AOPEP: variants seen among roughly 807,000 people sequenced by gnomAD.
AOPEP encodes aminopeptidase O (putative), also known as aminopeptidase O.
In AOPEP, 77 loss-of-function variants were observed where a neutral mutation model predicts 98.1. The observed-to-expected ratio is 0.78, with a 90% CI of 0.65 to 0.95. The LOEUF (loss-of-function observed/expected upper bound fraction) is 0.95. Ranked by LOEUF, AOPEP falls within the 40% of genes least tolerant of loss-of-function variation. The probability of loss-of-function intolerance (pLI) is 0.00; values close to 1 mark genes in which losing one functional copy is unlikely to be tolerated. For missense variants in AOPEP, 1,024 were observed against 1,024.7 expected (o/e 1.00, Z 0.01); for synonymous variants, 346 against 365.3 (o/e 0.95, Z 0.60).
chr9:94,830,921 G>C (rs1472643412), intron 5 of AOPEP, among the ~76,000 whole-genome samples: 1 of 151,972 alleles, frequency 6.6e-6, no homozygotes. Flanking sequence ...TTGTAAATTT[G>C]TTTAAGTTCC....
At chr9:95,137,698 G>C in the AOPEP span, among the ~76,000 whole-genome samples, 3 of 152,208 alleles carry the variant, frequency 2.0e-5, no homozygotes, top group Admixed American at 2.0e-4. Flanking sequence ...CTCCGGGAGA[G>C]GAATTGGCTG....
At chr9:94,815,219 A>G (rs1209851394) in intron 5 of AOPEP, among the ~76,000 whole-genome samples, 1 of 152,132 alleles carries the variant, frequency 6.6e-6, no homozygotes, top group Non-Finnish European at 1.5e-5. Flanking sequence ...GGTGGCTAGG[A>G]AGTCCCATCC....
At chr9:95,031,492 A>G (rs771768036) in intron 13 of AOPEP, among the ~76,000 whole-genome samples, 1 of 152,158 alleles carries the variant, frequency 6.6e-6, no homozygotes, top group Admixed American at 6.5e-5. Flanking sequence ...GCATTTTTTA[A>G]TAGAAACTGA....
chr9:94,941,676 T>A (rs1564419865), intron 7 of AOPEP, among the ~76,000 whole-genome samples: 1 of 152,222 alleles, frequency 6.6e-6, no homozygotes, highest in Non-Finnish European at 1.5e-5. Flanking sequence ...TGAACTCAAA[T>A]AACCTTCCCT....
chr9:95,146,724 C>A, the AOPEP span, among the ~76,000 whole-genome samples: 1 of 151,830 alleles, frequency 6.6e-6, no homozygotes, highest in Non-Finnish European at 1.5e-5. Context: ...TCAAACACTG[C>A]AGACAGAGCC....
chr9:94,869,390 C>T (rs1319410317), intron 5 of AOPEP, among the ~76,000 whole-genome samples: 2 of 152,150 alleles, frequency 1.3e-5, no homozygotes, highest in Non-Finnish European at 2.9e-5. Context: ...AGTGAATGCC[C>T]TATTTCTAGC....
intron 9 of AOPEP, among the ~76,000 whole-genome samples, chr9:94,961,815 C>G (rs2138164890): frequency 6.6e-6 from 1 of 152,056 alleles, no homozygotes; most frequent in Non-Finnish European, 1.5e-5. Context: ...TGTTATGCTG[C>G]TTTCTTTCTA....
At chr9:94,874,146 A>C (rs1197808446) in intron 5 of AOPEP, among the ~76,000 whole-genome samples, 2 of 152,202 alleles carry the variant, frequency 1.3e-5, no homozygotes, top group Non-Finnish European at 1.5e-5. Context: ...GAGTCATTAG[A>C]TATGATTATA....
rs764017866 is a variant in AOPEP at position 95,060,730 on chromosome 9, C to T, written c.2152C>T (p.Leu718Phe). The T allele has an allele frequency of 6.2e-7, 1 of 1,614,094 alleles. No individual in the cohort carries two copies. Among genetic ancestry groups the T allele is most frequent in the Non-Finnish European group, 8.5e-7 (1 of 1,179,972 alleles). The change falls in exon 14 of 17, where the codon CTC (leucine) becomes TTC (phenylalanine). Residue 718 changes from leucine to phenylalanine, a missense_variant. Coordinates refer to ENST00000375315, the MANE Select transcript of AOPEP (RefSeq NM_001193329.3). ...PDQLVLLLEH[L>F]LEQKTLSPRT... is the part of the protein sequence containing the mutation. ...CCAGCTGGTCTTGCTTCTGGAGCAT[C>T]TCTTGGAGCAGAAGACTCTGAGCCC... is the stretch of plus-strand genomic sequence containing the variant.
At chr9:94,996,052 G>A (rs977865526) in intron 11 of AOPEP, among the ~76,000 whole-genome samples, 4 of 152,156 alleles carry the variant, frequency 2.6e-5, no homozygotes, top group African/African-American at 9.7e-5. Context: ...CACAGGGAGG[G>A]GAGGACAGGT....
intron 11 of AOPEP, among the ~76,000 whole-genome samples, chr9:94,992,637 A>T (rs937553315): frequency 2.0e-5 from 3 of 152,224 alleles, no homozygotes; most frequent in African/African-American, 7.2e-5. Context: ...CTTTGGAGTC[A>T]GCTCTACCAC....
At chr9:94,845,767 G>A (rs1289617252) in intron 5 of AOPEP, among the ~76,000 whole-genome samples, 1 of 152,062 alleles carries the variant, frequency 6.6e-6, no homozygotes, top group Non-Finnish European at 1.5e-5. Context: ...GAAGAATAAG[G>A]TTGTAGGAGA....
chr9:94,773,244 C>T lies in AOPEP; in HGVS notation c.964+76C>T, dbSNP rs1841291400. 7 of 1,335,850 alleles carry T rather than the reference C, an allele frequency of 5.2e-6. No individual in the cohort carries two copies. The South Asian group carries it at 6.2e-5, about 12-fold the overall frequency. 82.7% of individuals were successfully genotyped at this position (1,335,850 alleles called of 1,614,324 possible). ...CAGGAACCCAATAAACAGTATTTTT[C>T]TAAACTTTAAAGAGCTCCTTTATTA... is the stretch of plus-strand genomic sequence containing the variant. On this transcript the variant is annotated intron_variant, in intron 3 of 16. Coordinates refer to ENST00000375315, the MANE Select transcript of AOPEP (RefSeq NM_001193329.3).
At chr9:95,018,170 A>G (rs898282495) in intron 13 of AOPEP, among the ~76,000 whole-genome samples, 3 of 152,202 alleles carry the variant, frequency 2.0e-5, no homozygotes, top group South Asian at 2.1e-4. Context: ...TGGCTTGGCT[A>G]TATGGCAGGT....
the AOPEP span, among the ~76,000 whole-genome samples, chr9:95,098,403 G>C: frequency 6.6e-6 from 1 of 152,216 alleles, no homozygotes; most frequent in African/African-American, 2.4e-5. Flanking sequence ...AGGCAGGACA[G>C]GGTGAAGAAC....
intron 3 of AOPEP, among the ~76,000 whole-genome samples, chr9:94,790,751 T>C (rs356133): frequency 0.04 from 6,143 of 152,196 alleles, 160 homozygotes; most frequent in Admixed American, 0.072. Flanking sequence ...ATCTAATCTC[T>C]ATTATTGGTT....
At chr9:94,926,232 CTCT>C (rs1564391712) in intron 6 of AOPEP, among the ~76,000 whole-genome samples, 2 of 152,170 alleles carry the variant, frequency 1.3e-5, no homozygotes, top group Non-Finnish European at 2.9e-5. Context: ...TTGGTCCTGC[CTCT>C]TGACTGATAA....
intron 9 of AOPEP, among the ~76,000 whole-genome samples, 171 bp from the exon 10 acceptor site, chr9:94,967,587 T>G (rs2059283253): frequency 6.6e-6 from 1 of 152,206 alleles, no homozygotes; most frequent in South Asian, 2.1e-4. Context: ...ATGATTCGAT[T>G]GAAACCCTGG....
the AOPEP span, among the ~76,000 whole-genome samples, chr9:95,094,685 G>C: frequency 2.0e-5 from 3 of 151,746 alleles, no homozygotes; most frequent in Non-Finnish European, 2.9e-5. Flanking sequence ...TTTTTTCTTT[G>C]AGACAGAGTC....
Sources: gnomAD v4.1 joint callset for allele counts (sites outside exome capture counted in the v4.1 genomes callset) on GRCh38, gnomAD v4.1.1 for gene constraint, MANE v1.5 for transcripts, NCBI Gene and HGNC (gene_info 2026-07-23, HGNC 2026-07-21) for gene names.